MAGI2: variants seen among roughly 807,000 people sequenced by gnomAD.
The protein encoded by MAGI2 is membrane-associated guanylate kinase, WW and PDZ domain-containing protein 2.
Under a neutral mutation model 133.3 loss-of-function variants are expected in MAGI2, and 35 were observed. That is an observed-to-expected ratio of 0.26 (90% confidence interval 0.20 to 0.35). The LOEUF is 0.35. Among genes scored for constraint, MAGI2 ranks in the 10% least tolerant of loss-of-function variants. The probability of loss-of-function intolerance (pLI) is 1.00; values close to 1 mark genes in which losing one functional copy is unlikely to be tolerated. For missense variants in MAGI2, 1,636 were observed against 1,863.4 expected, an observed-to-expected ratio of 0.88 and a Z score of 2.25; for synonymous variants, 729 against 710.6, an observed-to-expected ratio of 1.03 and a Z score of -0.41.
At chr7:79,243,656 T>C (rs1832597957) in intron 1 of MAGI2, among the ~76,000 whole-genome samples, 1 of 152,222 alleles carries the variant, frequency 6.6e-6, no homozygotes, top group Non-Finnish European at 1.5e-5. Context: ...GGTAGGGGAT[T>C]GGTAAATGAT....
chr7:78,128,969 A>T (rs1016089291), intron 18 of MAGI2, among the ~76,000 whole-genome samples: 2 of 152,244 alleles, frequency 1.3e-5, no homozygotes, highest in African/African-American at 4.8e-5. Flanking sequence ...AAGGAATTAA[A>T]CTGGGTGACA....
At chr7:78,721,686 T>G (rs1483682438) in intron 2 of MAGI2, among the ~76,000 whole-genome samples, 3 of 152,050 alleles carry the variant, frequency 2.0e-5, no homozygotes, top group Non-Finnish European at 4.4e-5. Flanking sequence ...ACTAAGATGG[T>G]AGCTTTTTAC....
At chr7:79,350,374 T>C (rs1291031311) in intron 1 of MAGI2, among the ~76,000 whole-genome samples, 1 of 152,126 alleles carries the variant, frequency 6.6e-6, no homozygotes, top group Admixed American at 6.6e-5. Flanking sequence ...CTTTTTAAAA[T>C]GAATTTTTAA....
intron 1 of MAGI2, among the ~76,000 whole-genome samples, chr7:79,219,202 C>T (rs1830254214): frequency 6.6e-6 from 1 of 151,872 alleles, no homozygotes; most frequent in African/African-American, 2.4e-5. Flanking sequence ...AGCAATGGTT[C>T]TAGTTAAAAA....
At chr7:79,229,290 C>T (rs1246834894) in intron 1 of MAGI2, among the ~76,000 whole-genome samples, 1 of 151,936 alleles carries the variant, frequency 6.6e-6, no homozygotes, top group Non-Finnish European at 1.5e-5. Context: ...TTTTTTCTAC[C>T]TCCCCTGGGC....
intron 1 of MAGI2, among the ~76,000 whole-genome samples, chr7:79,030,784 AG>A: frequency 3.3e-5 from 5 of 152,196 alleles, no homozygotes; most frequent in Non-Finnish European, 5.9e-5. Flanking sequence ...TTGGGATTAG[AG>A]TTCCCAAAAC....
chr7:79,245,496 ACT>A (rs1261210284), intron 1 of MAGI2, among the ~76,000 whole-genome samples: 1 of 151,968 alleles, frequency 6.6e-6, no homozygotes, highest in Non-Finnish European at 1.5e-5. Flanking sequence ...GCCAGGCAGT[ACT>A]CTCTACAAGT....
At chr7:78,082,695 G>A (rs1816112816) in intron 20 of MAGI2, among the ~76,000 whole-genome samples, 1 of 152,168 alleles carries the variant, frequency 6.6e-6, no homozygotes, top group Non-Finnish European at 1.5e-5. Context: ...TCTAGGGGCT[G>A]GTGGTGGTTA....
intron 1 of MAGI2, among the ~76,000 whole-genome samples, chr7:79,102,102 ATTTTG>A (rs1818036987): frequency 6.6e-6 from 1 of 151,954 alleles, no homozygotes; most frequent in East Asian, 1.9e-4. Context: ...ACTTCATTTT[ATTTTG>A]TTTTGTTTTA....
chr7:78,079,226 C>T, intron 20 of MAGI2, 141 bp from the exon 21 acceptor site: 1 of 763,794 alleles, frequency 1.3e-6, no homozygotes, highest in East Asian at 2.5e-5. Flanking sequence ...TTGGAAGAGG[C>T]TATTCCCTGG....
intron 15 of MAGI2, 89 bp downstream of exon 15, chr7:78,167,827 A>T: frequency 8.4e-7 from 1 of 1,197,330 alleles, no homozygotes; most frequent in Non-Finnish European, 1.2e-6. Context: ...AAATGGATTT[A>T]AAATTTTGTT....
chr7:78,769,570 G>C (rs1825376054), intron 2 of MAGI2, among the ~76,000 whole-genome samples: 2 of 152,214 alleles, frequency 1.3e-5, no homozygotes, highest in South Asian at 4.1e-4. Flanking sequence ...GTCCCCATCA[G>C]AAAACAGAGA....
intron 1 of MAGI2, among the ~76,000 whole-genome samples, chr7:79,346,618 C>T (rs1399990239): frequency 6.6e-6 from 1 of 151,916 alleles, no homozygotes. Flanking sequence ...CTCTGATCCA[C>T]TAATTCTCTC....
chr7:78,314,178 T>C (rs1174023673), intron 9 of MAGI2, among the ~76,000 whole-genome samples: 2 of 152,204 alleles, frequency 1.3e-5, no homozygotes, highest in African/African-American at 4.8e-5. Flanking sequence ...TAAATGGCAT[T>C]AGCCCAGAAG....
chr7:79,367,555 T>C (rs1842778721), intron 1 of MAGI2, among the ~76,000 whole-genome samples: 1 of 152,092 alleles, frequency 6.6e-6, no homozygotes, highest in Non-Finnish European at 1.5e-5. Flanking sequence ...AGTCAATTTA[T>C]CTAAACCTTA....
At chr7:78,763,335 G>A (rs575976569) in intron 2 of MAGI2, among the ~76,000 whole-genome samples, 3 of 152,264 alleles carry the variant, frequency 2.0e-5, no homozygotes, top group Admixed American at 6.5e-5. Context: ...CTGAGTTATT[G>A]TAACCTGGGG....
At chr7:79,151,572 C>T (rs1585054324) in intron 1 of MAGI2, among the ~76,000 whole-genome samples, 1 of 152,138 alleles carries the variant, frequency 6.6e-6, no homozygotes, top group South Asian at 2.1e-4. Context: ...TATAGTGTGA[C>T]TGAGTATACA....
intron 12 of MAGI2, among the ~76,000 whole-genome samples, chr7:78,188,290 A>G (rs1827882997): frequency 6.6e-6 from 1 of 152,226 alleles, no homozygotes; most frequent in Admixed American, 6.5e-5. Flanking sequence ...AAAATGGCAG[A>G]CACAGCTTAA....
At chr7:78,038,894 T>G (rs1810516534) in intron 21 of MAGI2, among the ~76,000 whole-genome samples, 1 of 152,260 alleles carries the variant, frequency 6.6e-6, no homozygotes, top group East Asian at 1.9e-4. Flanking sequence ...CACGTCACGT[T>G]ACCGGCATAG....
Sources: gnomAD v4.1 joint callset for allele counts (sites outside exome capture counted in the v4.1 genomes callset) on GRCh38, gnomAD v4.1.1 for gene constraint, MANE v1.5 for transcripts, NCBI Gene and HGNC (gene_info 2026-07-23, HGNC 2026-07-21) for gene names.